The following BCAS1 variants were observed in gnomAD, a reference collection of about 807,000 sequenced individuals.
BCAS1 encodes the protein brain enriched myelin associated protein 1.
In BCAS1, 46 loss-of-function variants were observed where a neutral mutation model predicts 65.4. The observed-to-expected ratio is 0.70, with a 90% confidence interval of 0.55 to 0.90. BCAS1 has a LOEUF of 0.90. Ranked by LOEUF, BCAS1 falls within the 40% of genes least tolerant of loss-of-function variation. The pLI, the probability that BCAS1 is intolerant of heterozygous loss-of-function variation, is 0.00. For synonymous variants in BCAS1, 298 were observed against 293.5 expected (o/e 1.02, Z -0.16); for missense variants, 793 against 771.2 (o/e 1.03, Z -0.33).
At chr20:54,066,116 A>G (rs1303356106) in intron 1 of BCAS1, among the ~76,000 whole-genome samples, 1 of 145,610 alleles carries the variant, frequency 6.9e-6, no homozygotes, top group African/African-American at 2.6e-5. Flanking sequence ...TCTGTCGCCC[A>G]GGCTGGAGTG....
At chr20:53,945,459 T>C (rs2089284439) in intron 12 of BCAS1, among the ~76,000 whole-genome samples, 1 of 152,154 alleles carries the variant, frequency 6.6e-6, no homozygotes, top group Non-Finnish European at 1.5e-5. Flanking sequence ...ATGTGCAGGT[T>C]TGTTACATAT....
At chr20:53,978,110 A>G (rs910356153) in intron 8 of BCAS1, among the ~76,000 whole-genome samples, 9 of 138,980 alleles carry the variant, frequency 6.5e-5, no homozygotes, top group Non-Finnish European at 1.4e-4. Context: ...TCATTGTTCA[A>G]TTCCCACCTA....
chr20:54,017,219 A>G (rs537626466), intron 4 of BCAS1, among the ~76,000 whole-genome samples: 6 of 152,244 alleles, frequency 3.9e-5, no homozygotes, highest in South Asian at 2.1e-4. Flanking sequence ...CTTGAGGGGT[A>G]AGTGAATTTG....
intron 10 of BCAS1, among the ~76,000 whole-genome samples, chr20:53,962,735 C>T (rs2089915088): frequency 6.6e-6 from 1 of 152,152 alleles, no homozygotes; most frequent in Admixed American, 6.5e-5. Context: ...CCTGCAGGAG[C>T]CCGCAGGATT....
chr20:54,043,707 C>T (rs531240091), intron 3 of BCAS1, among the ~76,000 whole-genome samples: 1 of 152,224 alleles, frequency 6.6e-6, no homozygotes, highest in South Asian at 2.1e-4. Flanking sequence ...TGGGCCCCAC[C>T]CCCAGGGAAG....
chr20:54,026,778 G>C (rs878887459), intron 4 of BCAS1, among the ~76,000 whole-genome samples: 1 of 152,220 alleles, frequency 6.6e-6, no homozygotes, highest in Admixed American at 6.5e-5. Flanking sequence ...TAACTTTCAG[G>C]TCCTGGTTCA....
intron 9 of BCAS1, among the ~76,000 whole-genome samples, chr20:53,970,197 T>G (rs1733328637): frequency 6.6e-6 from 1 of 152,222 alleles, no homozygotes; most frequent in Admixed American, 6.5e-5. Context: ...GTGGTTCCCT[T>G]GCTGAGCCTT....
chr20:54,027,731 C>T (rs144958673), intron 4 of BCAS1, among the ~76,000 whole-genome samples: 415 of 151,764 alleles, frequency 2.7e-3, no homozygotes, highest in Non-Finnish European at 4.2e-3. Flanking sequence ...TGCCTTTCTT[C>T]GCTCAGGAAA....
intron 4 of BCAS1, among the ~76,000 whole-genome samples, chr20:54,020,252 G>A (rs1465511008): frequency 3.3e-5 from 5 of 152,072 alleles, no homozygotes; most frequent in Admixed American, 1.3e-4. Flanking sequence ...AGTTATAGCC[G>A]TTACAACTTC....
intron 3 of BCAS1, among the ~76,000 whole-genome samples, chr20:54,036,663 T>C (rs1181664626): frequency 6.6e-6 from 1 of 151,364 alleles, no homozygotes; most frequent in Non-Finnish European, 1.5e-5. Flanking sequence ...TTAAATGAAA[T>C]ATTGCCCATA....
At chr20:54,048,608 G>C (rs1021583727) in intron 3 of BCAS1, among the ~76,000 whole-genome samples, 2 of 152,224 alleles carry the variant, frequency 1.3e-5, no homozygotes, top group Non-Finnish European at 2.9e-5. Flanking sequence ...CTTGTGAGCA[G>C]GAGTGACACA....
chr20:54,047,258 C>T (rs553203723), intron 3 of BCAS1, among the ~76,000 whole-genome samples: 1 of 152,236 alleles, frequency 6.6e-6, no homozygotes, highest in South Asian at 2.1e-4. Context: ...GCAGAAGCTC[C>T]GAGTCTTCTT....
intron 9 of BCAS1, among the ~76,000 whole-genome samples, chr20:53,974,903 T>C (rs2090284768): frequency 6.6e-6 from 1 of 152,170 alleles, no homozygotes. Context: ...GGTAGACCCG[T>C]CAAGTCAGCG....
At chr20:54,018,938 G>A (rs891896166) in intron 4 of BCAS1, among the ~76,000 whole-genome samples, 2 of 152,040 alleles carry the variant, frequency 1.3e-5, no homozygotes, top group Non-Finnish European at 2.9e-5. Flanking sequence ...GAAATATAGG[G>A]CAAAACTACC....
chr20:54,065,929 A>G (rs1215521407), intron 1 of BCAS1, among the ~76,000 whole-genome samples: 2 of 152,324 alleles, frequency 1.3e-5, no homozygotes, highest in African/African-American at 4.8e-5. Flanking sequence ...CTGTTAGTAT[A>G]AGCAGTAAAT....
At chr20:54,022,146 C>T (rs2146043046) in intron 4 of BCAS1, among the ~76,000 whole-genome samples, 1 of 152,244 alleles carries the variant, frequency 6.6e-6, no homozygotes, top group East Asian at 1.9e-4. Flanking sequence ...ATGGAGGACA[C>T]CAGTAGAGAA....
chr20:54,038,448 A>G (rs1168598426), intron 3 of BCAS1, among the ~76,000 whole-genome samples: 1 of 151,306 alleles, frequency 6.6e-6, no homozygotes, highest in Non-Finnish European at 1.5e-5. Context: ...ATAGTGCTAG[A>G]CACTAGGATT....
intron 4 of BCAS1, among the ~76,000 whole-genome samples, chr20:53,999,323 C>A (rs1285593881): frequency 1.3e-5 from 2 of 152,210 alleles, no homozygotes; most frequent in African/African-American, 4.8e-5. Context: ...TTACGAGGTG[C>A]CTTCACAAAT....
In BCAS1 at chr20:53,943,589, T is replaced by C. The variant is rs908299021; in HGVS notation, c.*1333A>G. 6.6e-6 allele frequency: 1 copy of C among 152,212 alleles called. No homozygotes were observed. The highest frequency in any genetic ancestry group is 1.5e-5 in the Non-Finnish European group (1 of 68,042). The allele number at this position is 152,212 out of a possible 1,614,324, so 9.4% of individuals were successfully genotyped here. A position where few individuals can be genotyped will look rare whatever the true frequency, so the allele number is the denominator to read the frequency against. ...TTAAATCAGAAAAAGAAAGATACAG[T>C]TTACATGACTGTCAGTCAATCATAT... On this transcript the variant is annotated 3_prime_UTR_variant, in exon 13 of 13. Transcript: ENST00000688948.
Sources: gnomAD v4.1 joint callset for allele counts (sites outside exome capture counted in the v4.1 genomes callset) on GRCh38, gnomAD v4.1.1 for gene constraint, MANE v1.5 for transcripts, NCBI Gene and HGNC (gene_info 2026-07-23, HGNC 2026-07-21) for gene names.